Variants in TACR3 observed in about 807,000 individuals in gnomAD.
TACR3 encodes neuromedin-K receptor.
A neutral mutation model predicts 35.0 loss-of-function variants in TACR3; 34 were observed. The ratio of observed to expected loss-of-function variants is 0.97; its 90% CI spans 0.74 to 1.30. The LOEUF is 1.30. Ranked by LOEUF, TACR3 falls within the 50% of genes most tolerant of loss-of-function variation. TACR3 has a pLI of 0.00. For synonymous variants in TACR3, 233 were observed against 221.1 expected (o/e 1.05, Z -0.48); for missense variants, 558 against 591.7 (o/e 0.94, Z 0.59).
At chr4:103,646,482 T>C (rs1725457247) in intron 3 of TACR3, among the ~76,000 whole-genome samples, 1 of 152,062 alleles carries the variant, frequency 6.6e-6, no homozygotes, top group South Asian at 2.1e-4. Context: ...ATATTATGTT[T>C]TATGTCCAAT....
At chr4:103,639,836 C>T (rs1001601105) in intron 3 of TACR3, among the ~76,000 whole-genome samples, 1 of 151,834 alleles carries the variant, frequency 6.6e-6, no homozygotes, top group Admixed American at 6.6e-5. Flanking sequence ...TGATGTCTTC[C>T]TTATGCAGTT....
At position 103,658,210 on chromosome 4, in the gene TACR3, C is replaced by A. The variant is rs1324850686; in HGVS notation, c.737+5G>T. On this transcript the variant is annotated splice_donor_5th_base_variant and intron_variant, in intron 2 of 4. Coordinates refer to ENST00000304883, the MANE Select transcript of TACR3 (RefSeq NM_001059.3). ...ATTGAAAACCATAATAGAGAATTAA[C>A]TTACGTGAAATGTTGTTTGGGACCT... 1.2e-6 allele frequency: 2 copies of A among 1,613,506 alleles called. No individual in the cohort carries two copies. Among genetic ancestry groups the A allele is most frequent in the Non-Finnish European group, 8.5e-7 (1 of 1,179,610 alleles).
chr4:103,697,875 A>AT (rs1432783699), intron 1 of TACR3, among the ~76,000 whole-genome samples: 1 of 152,202 alleles, frequency 6.6e-6, no homozygotes, highest in Non-Finnish European at 1.5e-5. Flanking sequence ...TAAAGCTAGT[A>AT]TCTTTTTGTT....
intron 3 of TACR3, among the ~76,000 whole-genome samples, chr4:103,598,316 TA>T (rs1368820663): frequency 6.6e-6 from 1 of 152,238 alleles, no homozygotes; most frequent in Non-Finnish European, 1.5e-5. Context: ...TTTTTTCTTG[TA>T]AATTTGTTTG....
intron 3 of TACR3, among the ~76,000 whole-genome samples, chr4:103,622,954 A>G (rs1264238862): frequency 6.6e-6 from 1 of 152,196 alleles, no homozygotes; most frequent in African/African-American, 2.4e-5. Context: ...GTTCTACTCA[A>G]AATGAATCAG....
chr4:103,622,944 G>T lies in TACR3; in HGVS notation c.889-31261C>A, dbSNP rs545784912. Among the ~76,000 whole-genome samples the T allele has an allele frequency of 2.0e-4, 30 of 152,150 alleles. No homozygotes were observed. The South Asian group carries it at 5.8e-3, about 29-fold the overall frequency. On this transcript the variant is annotated intron_variant, in intron 3 of 4. Transcript: ENST00000304883. ...AAAATAAAATAAAATGCATGTTAAAGTTCTACTCAAAATGAATCAGAGGGC... is the reference window on the plus strand; with the variant it reads ...AAAATAAAATAAAATGCATGTTAAATTTCTACTCAAAATGAATCAGAGGGC...
chr4:103,638,855 G>A (rs1178036733), intron 3 of TACR3, among the ~76,000 whole-genome samples: 2 of 152,098 alleles, frequency 1.3e-5, no homozygotes, highest in Admixed American at 1.3e-4. Flanking sequence ...ATCATCACTG[G>A]CCATCAGAGA....
chr4:103,704,012 G>A (rs1409000174), intron 1 of TACR3, among the ~76,000 whole-genome samples: 2 of 150,382 alleles, frequency 1.3e-5, no homozygotes, highest in Admixed American at 1.3e-4. Flanking sequence ...GCTGAGGCAG[G>A]AGAATGGAGT....
chr4:103,633,532 C>T (rs1387073434), intron 3 of TACR3, among the ~76,000 whole-genome samples: 1 of 151,998 alleles, frequency 6.6e-6, no homozygotes, highest in African/African-American at 2.4e-5. Flanking sequence ...GTATACACTG[C>T]ACCCTATTTG....
intron 1 of TACR3, among the ~76,000 whole-genome samples, chr4:103,708,600 T>A (rs1722855816): frequency 6.6e-6 from 1 of 152,072 alleles, no homozygotes; most frequent in Non-Finnish European, 1.5e-5. Context: ...TCGGAGCACC[T>A]CTCCCCCTCC....
chr4:103,599,530 G>C (rs1724135315), intron 3 of TACR3, among the ~76,000 whole-genome samples: 1 of 152,150 alleles, frequency 6.6e-6, no homozygotes, highest in Non-Finnish European at 1.5e-5. Context: ...CTTGTCTTGT[G>C]CCAGTTTTCA....
rs6822961 is a variant in TACR3 at position 103,591,471 on chromosome 4, G to A, written c.1085+16C>T. 6.5e-3 allele frequency: 10,476 copies of A among 1,613,266 alleles called. 615 individuals are homozygous for A. The African/African-American group carries it at 0.12, about 18-fold the overall frequency. On this transcript the variant is annotated intron_variant, in intron 4 of 4. Coordinates refer to ENST00000304883, the MANE Select transcript of TACR3 (RefSeq NM_001059.3). Reference sequence around the variant, plus strand: ...GGGTGTGACAAGCAACTTGCATTTCGTAGTTTTGTTTTTACCTTTTATTCA... The same window carrying A: ...GGGTGTGACAAGCAACTTGCATTTCATAGTTTTGTTTTTACCTTTTATTCA...
chr4:103,693,770 A>G (rs1414450001), intron 1 of TACR3, among the ~76,000 whole-genome samples: 2 of 151,734 alleles, frequency 1.3e-5, no homozygotes, highest in African/African-American at 2.4e-5. Context: ...AGATTAATCA[A>G]TGTTTTTCCC....
intron 1 of TACR3, among the ~76,000 whole-genome samples, chr4:103,663,510 ATATATATAAAGAATGGAAGCAGGGAAG>A (rs142647505): frequency 0.015 from 2,339 of 152,196 alleles, 54 homozygotes; most frequent in African/African-American, 0.053. Flanking sequence ...AATAAAAAAC[ATATATATAAAGAATGGAAGCAGGGAAG>A]TAAGTTATCT....
intron 1 of TACR3, among the ~76,000 whole-genome samples, chr4:103,696,966 T>A (rs1722534107): frequency 6.6e-6 from 1 of 152,206 alleles, no homozygotes; most frequent in South Asian, 2.1e-4. Context: ...CAGGCTGGTA[T>A]GCAGTGGTGC....
intron 3 of TACR3, among the ~76,000 whole-genome samples, chr4:103,606,919 T>C (rs1001716209): frequency 6.6e-6 from 1 of 152,164 alleles, no homozygotes; most frequent in African/African-American, 2.4e-5. Context: ...AGGGAATGCT[T>C]CCAGTTTTTG....
intron 1 of TACR3, among the ~76,000 whole-genome samples, chr4:103,711,327 G>A (rs1365913754): frequency 1.3e-5 from 2 of 152,150 alleles, no homozygotes; most frequent in Admixed American, 6.5e-5. Flanking sequence ...GGGATGCAAG[G>A]CTGGTTCAAC....
chr4:103,591,690 A>T lies in TACR3; in HGVS notation c.889-7T>A. The T allele has an allele frequency of 6.2e-7, 1 of 1,608,074 alleles. No homozygotes were observed. On this transcript the variant is annotated splice_region_variant and splice_polypyrimidine_tract_variant and intron_variant, in intron 3 of 4. Transcript: ENST00000304883. Reference sequence around the variant, plus strand: ...TAATCATCATTTTGACAACCTATAAAGAAAAAAAGTCATTTTTGACAAATA... The same window carrying T: ...TAATCATCATTTTGACAACCTATAATGAAAAAAAGTCATTTTTGACAAATA...
In TACR3 at chr4:103,589,836, G is replaced by A; in HGVS notation, c.1244C>T (p.Pro415Leu). The change falls in exon 5 of 5, where the codon CCC becomes CTC. Residue 415 changes from proline to leucine, a missense_variant. By Grantham distance (98) the Pro-to-Leu change is moderately conservative. Transcript: ENST00000304883. ...RMESMTVVFD[P>L]NDADTTRSSR... ...GGACCTGGTGGTGTCTGCATCGTTG[G>A]GGTCAAACACGACTGTCATGGACTC... 6.2e-7 allele frequency: 1 copy of A among 1,613,892 alleles called. No individual in the cohort carries two copies. Among genetic ancestry groups the A allele is most frequent in the Non-Finnish European group, 8.5e-7 (1 of 1,179,862 alleles).
Sources: allele counts gnomAD v4.1 joint callset (sites outside exome capture counted in the v4.1 genomes callset), GRCh38; gene constraint gnomAD v4.1.1; transcripts MANE v1.5; gene names NCBI Gene and HGNC (gene_info 2026-07-23, HGNC 2026-07-21).